Variants in ZNF420 observed in about 807,000 individuals in gnomAD.
ZNF420 encodes ATM and p53-associated KZNF protein.
ZNF420 carries 31 observed loss-of-function variants against 44.7 expected under a neutral mutation model. That is an observed-to-expected ratio of 0.69 (90% CI 0.52 to 0.94). The LOEUF (loss-of-function observed/expected upper bound fraction) is 0.94, where lower values mean the gene tolerates loss of function less well. Ranked by LOEUF, ZNF420 falls within the 40% of genes least tolerant of loss-of-function variation. The pLI is 0.00. For missense variants in ZNF420, 681 were observed against 827.9 expected (o/e 0.82, Z 2.18); for synonymous variants, 245 against 267.4 (o/e 0.92, Z 0.82).
intron 1 of ZNF420, among the ~76,000 whole-genome samples, chr19:37,062,415 T>C (rs1967894282): frequency 6.6e-6 from 1 of 152,220 alleles, no homozygotes; most frequent in Non-Finnish European, 1.5e-5. Flanking sequence ...GTATTTTACT[T>C]CGTGTCCATG....
intron 1 of ZNF420, among the ~76,000 whole-genome samples, chr19:37,029,391 T>A (rs1967210780): frequency 6.6e-6 from 1 of 152,158 alleles, no homozygotes; most frequent in African/African-American, 2.4e-5. Context: ...ACATTTACAT[T>A]TATAATGCAT....
Position 37,127,571 on chromosome 19 carries a change from C to T in ZNF420, c.580C>T (p.Pro194Ser). ...TCAGAGACTTCATACTGGTGAGAAA[C>T]CCTATGCATGTAAGGAATGTGGGAA... ...LHQRLHTGEKPYACKECGKAF... is the reference protein window; with the variant it reads ...LHQRLHTGEKSYACKECGKAF... Residue 194 changes from proline (P) to serine (S), a missense_variant, in exon 5 of 5, where the codon CCC (proline) becomes TCC (serine). Transcript: ENST00000337995. 1 of 1,614,042 alleles carries T rather than the reference C, an allele frequency of 6.2e-7. No homozygotes were observed. The highest frequency in any genetic ancestry group is 1.3e-5 in the African/African-American group (1 of 75,026).
At chr19:37,121,646 G>A (rs1279073155) in intron 4 of ZNF420, among the ~76,000 whole-genome samples, 1 of 152,104 alleles carries the variant, frequency 6.6e-6, no homozygotes, top group Non-Finnish European at 1.5e-5. Flanking sequence ...AAACTAAAGA[G>A]CTTCTGCACA....
chr19:37,101,681 G>A (rs1969784825), intron 4 of ZNF420, among the ~76,000 whole-genome samples: 1 of 152,224 alleles, frequency 6.6e-6, no homozygotes, highest in African/African-American at 2.4e-5. Flanking sequence ...CCTTGCAAGG[G>A]CTCCAAGGTT....
At chr19:37,022,859 C>T (rs1222776226) in intron 1 of ZNF420, among the ~76,000 whole-genome samples, 2 of 152,088 alleles carry the variant, frequency 1.3e-5, no homozygotes, top group African/African-American at 4.8e-5. Context: ...AGCATGGGGG[C>T]AGGCGCGGTG....
chr19:37,009,590 C>T (rs1041239334), intron 1 of ZNF420, among the ~76,000 whole-genome samples: 3 of 152,212 alleles, frequency 2.0e-5, no homozygotes, highest in African/African-American at 7.2e-5. Context: ...TCCTGGAAAG[C>T]GGTGGCGGCA....
At position 37,128,149 on chromosome 19, in the gene ZNF420, C is replaced by T; in HGVS notation, c.1158C>T (p.Thr386=). The part of the protein sequence containing the change: ...SQLTQHQRIH[T]NEKPYECKEC... The stretch of plus-strand genomic sequence containing the variant: ...TTACTCAACACCAGAGAATTCACAC[C>T]AATGAAAAGCCCTATGAATGTAAGG... Residue 386 remains threonine (T), a synonymous_variant, in exon 5 of 5, where the codon ACC becomes ACT. Coordinates refer to ENST00000337995, the MANE Select transcript of ZNF420 (RefSeq NM_144689.5). 1 of 1,613,426 alleles carries T rather than the reference C, an allele frequency of 6.2e-7. No individual in the cohort carries two copies. Among genetic ancestry groups the T allele is most frequent in the Non-Finnish European group, 8.5e-7 (1 of 1,179,796 alleles).
chr19:37,029,202 C>G (rs1967205286), intron 1 of ZNF420, among the ~76,000 whole-genome samples: 1 of 152,152 alleles, frequency 6.6e-6, no homozygotes, highest in African/African-American at 2.4e-5. Flanking sequence ...CATATGGACA[C>G]ATATGGTAAA....
intron 1 of ZNF420, among the ~76,000 whole-genome samples, chr19:37,067,711 C>G (rs1052898067): frequency 6.6e-6 from 1 of 152,080 alleles, no homozygotes; most frequent in Non-Finnish European, 1.5e-5. Flanking sequence ...GATAGATGCA[C>G]TTCAGGTAGA....
At chr19:37,099,761 C>G (rs1403901403) in intron 4 of ZNF420, among the ~76,000 whole-genome samples, 1 of 152,098 alleles carries the variant, frequency 6.6e-6, no homozygotes, top group African/African-American at 2.4e-5. Context: ...GTAGCTGGGA[C>G]TACAGGCACA....
intron 1 of ZNF420, among the ~76,000 whole-genome samples, chr19:37,015,955 C>G (rs1005933048): frequency 6.6e-6 from 1 of 152,178 alleles, no homozygotes; most frequent in Non-Finnish European, 1.5e-5. Context: ...CTTGGTCTGG[C>G]TCTACATTCT....
At chr19:37,075,432 T>A (rs181413273), upstream of ZNF420, among the ~76,000 whole-genome samples, 1 of 152,222 alleles carries the variant, frequency 6.6e-6, no homozygotes, top group East Asian at 1.9e-4. Flanking sequence ...AATATATGAG[T>A]GATGCTACCT....
chr19:37,095,745 C>T (rs1341667818), intron 4 of ZNF420, among the ~76,000 whole-genome samples: 9 of 152,168 alleles, frequency 5.9e-5, no homozygotes, highest in African/African-American at 2.2e-4. Flanking sequence ...ATTACAGGCG[C>T]CCGCAGCCAA....
chr19:37,125,762 A>G (rs1971310500), intron 4 of ZNF420, among the ~76,000 whole-genome samples: 1 of 147,142 alleles, frequency 6.8e-6, no homozygotes, highest in Non-Finnish European at 1.5e-5. Flanking sequence ...TAAGTTTGCT[A>G]TGGCAAGCAG....
intron 4 of ZNF420, 166 bp downstream of exon 4, chr19:37,091,287 C>T: frequency 1.7e-6 from 1 of 588,282 alleles, no homozygotes; most frequent in Non-Finnish European, 2.7e-6. Context: ...GCACCTTTAT[C>T]TTTTCCATCC....
chr19:37,109,750 C>G (rs1160534137), intron 4 of ZNF420: 3 of 152,196 alleles, frequency 2.0e-5, no homozygotes, highest in Non-Finnish European at 4.4e-5. Context: ...TCCCTATTTC[C>G]CATGTCTTAT....
chr19:37,084,900 G>A (rs1293737874), intron 2 of ZNF420, among the ~76,000 whole-genome samples: 1 of 152,006 alleles, frequency 6.6e-6, no homozygotes, highest in Non-Finnish European at 1.5e-5. Context: ...CTTGATAGGG[G>A]TTTGTAAACT....
intron 1 of ZNF420, among the ~76,000 whole-genome samples, chr19:37,050,193 A>G (rs1050867118): frequency 3.0e-4 from 46 of 152,180 alleles, no homozygotes; most frequent in Non-Finnish European, 6.0e-4. Context: ...TGACTTGGCA[A>G]TGCGGGCTCT....
rs774599755 is a variant in ZNF420, at chr19:37,128,467, A to C, written c.1476A>C (p.Gln492His). The C allele has an allele frequency of 1.2e-6, 2 of 1,614,158 alleles. No homozygotes were observed. Among genetic ancestry groups the C allele is most frequent in the Admixed American group, 3.3e-5 (2 of 60,030 alleles). ...KSFIRGSQLT[Q>H]HQRIHTGEKP... ...TTATTCGTGGTTCCCAGCTTACTCA[A>C]CATCAGAGAATCCATACTGGTGAGA... The change falls in exon 5 of 5, where the codon CAA becomes CAC. Residue 492 changes from glutamine (Q) to histidine (H), a missense_variant. Physicochemically the swap from Gln to His is conservative, Grantham distance 24. Around this residue, in one of 3 missense-constraint regions of ZNF420, gnomAD observed 280 missense variants for 338.6 expected, o/e 0.83. Transcript: ENST00000337995.
Sources: gnomAD v4.1 joint callset for allele counts (sites outside exome capture counted in the v4.1 genomes callset) on GRCh38, gnomAD v4.1.1 for gene constraint, gnomAD v4.1.1 regional missense constraint, MANE v1.5 for transcripts, NCBI Gene and HGNC (gene_info 2026-07-23, HGNC 2026-07-21) for gene names.